DCC: variants seen among roughly 807,000 people sequenced by gnomAD.
The protein encoded by DCC is DCC netrin 1 receptor.
In DCC, 58 loss-of-function variants were observed where a neutral mutation model predicts 172.5. The ratio of observed to expected loss-of-function variants is 0.34; its 90% CI spans 0.27 to 0.42. DCC has a LOEUF of 0.42. Among genes scored for constraint, DCC ranks in the 10% least tolerant of loss-of-function variants. The probability of loss-of-function intolerance (pLI) is 1.00; values close to 1 mark genes in which losing one functional copy is unlikely to be tolerated. For missense variants in DCC, 1,740 were observed against 1,791.0 expected, an observed-to-expected ratio of 0.97 and a Z score of 0.51; for synonymous variants, 709 against 644.5, an observed-to-expected ratio of 1.10 and a Z score of -1.52.
At chr18:52,405,490 G>A (rs1428711387) in intron 1 of DCC, among the ~76,000 whole-genome samples, 12 of 149,220 alleles carry the variant, frequency 8.0e-5, no homozygotes, top group East Asian at 5.9e-4. Context: ...CATGTCCTTC[G>A]CCCACTTTTT....
intron 14 of DCC, among the ~76,000 whole-genome samples, chr18:53,336,768 A>T (rs2057596402): frequency 6.6e-6 from 1 of 152,162 alleles, no homozygotes; most frequent in Non-Finnish European, 1.5e-5. Flanking sequence ...CCCAGCTACT[A>T]GGGAGGTTGA....
At chr18:52,876,986 T>C (rs556956022) in intron 2 of DCC, among the ~76,000 whole-genome samples, 7 of 152,222 alleles carry the variant, frequency 4.6e-5, no homozygotes, top group Non-Finnish European at 1.0e-4. Context: ...ACAATGAATA[T>C]GTTTTTAATA....
intron 2 of DCC, among the ~76,000 whole-genome samples, chr18:52,795,794 C>T (rs1020123244): frequency 1.3e-5 from 2 of 151,952 alleles, no homozygotes; most frequent in East Asian, 1.9e-4. Context: ...TACTGTTTTT[C>T]GTTCTTATTT....
intron 1 of DCC, among the ~76,000 whole-genome samples, chr18:52,553,383 C>T (rs527336836): frequency 6.6e-6 from 1 of 152,096 alleles, no homozygotes; most frequent in African/African-American, 2.4e-5. Flanking sequence ...TCTGTAAAGA[C>T]ATAGGCTAAG....
At chr18:52,857,250 C>A (rs1007257925) in intron 2 of DCC, among the ~76,000 whole-genome samples, 2 of 152,190 alleles carry the variant, frequency 1.3e-5, no homozygotes, top group African/African-American at 4.8e-5. Context: ...AGGCTGCAGA[C>A]ATGTTTGGGT....
intron 15 of DCC, among the ~76,000 whole-genome samples, chr18:53,375,849 A>G (rs1481451557): frequency 6.6e-6 from 1 of 152,004 alleles, no homozygotes; most frequent in Non-Finnish European, 1.5e-5. Context: ...GCAGGTAAGG[A>G]ATGTTTATTT....
At chr18:52,838,419 A>G (rs187678441) in intron 2 of DCC, among the ~76,000 whole-genome samples, 167 of 152,318 alleles carry the variant, frequency 1.1e-3, no homozygotes, top group Middle Eastern at 0.01. Context: ...ACTTGCATGT[A>G]TTAGTATGAA....
intron 7 of DCC, among the ~76,000 whole-genome samples, chr18:53,144,171 T>C (rs927821944): frequency 6.6e-6 from 1 of 152,218 alleles, no homozygotes; most frequent in Non-Finnish European, 1.5e-5. Context: ...ATGGAAAATG[T>C]CTCAGATTGT....
intron 1 of DCC, among the ~76,000 whole-genome samples, chr18:52,751,049 A>T (rs2036986429): frequency 6.6e-6 from 1 of 152,256 alleles, no homozygotes; most frequent in South Asian, 2.1e-4. Context: ...ATTAAACATC[A>T]GCAAGAAAAT....
At chr18:53,041,084 G>T (rs2042162509) in intron 5 of DCC, among the ~76,000 whole-genome samples, 1 of 128,116 alleles carries the variant, frequency 7.8e-6, no homozygotes, top group Non-Finnish European at 1.6e-5. Context: ...ATTGCTTTTG[G>T]TGTTTTAGTC....
chr18:53,239,248 A>C lies in DCC; in HGVS notation c.1911+23651A>C, dbSNP rs894593986. On this transcript the variant is annotated intron_variant, in intron 12 of 28. Transcript: ENST00000442544. The stretch of plus-strand genomic sequence containing the variant: ...AAATGAAAAAAAAAAAACTCCAGCA[A>C]AGTCCATTACTGTTCTCCATTTTAT... Among the ~76,000 whole-genome samples, 12 of 151,482 alleles carry C rather than the reference A, an allele frequency of 7.9e-5. 1 individual carries two copies. The highest frequency in any genetic ancestry group is 7.9e-4 in the Admixed American group (12 of 15,222).
At chr18:53,321,716 G>C (rs2057413189) in intron 13 of DCC, among the ~76,000 whole-genome samples, 1 of 151,808 alleles carries the variant, frequency 6.6e-6, no homozygotes, top group Admixed American at 6.6e-5. Flanking sequence ...TTATAGACGT[G>C]GATCTTCTGA....
At chr18:52,975,534 C>T (rs1313045399) in intron 5 of DCC, among the ~76,000 whole-genome samples, 1 of 152,104 alleles carries the variant, frequency 6.6e-6, no homozygotes, top group Non-Finnish European at 1.5e-5. Flanking sequence ...CTGATAGGCC[C>T]CAGTGTGTGT....
chr18:52,477,939 A>C (rs1989140584), intron 1 of DCC, among the ~76,000 whole-genome samples: 1 of 151,962 alleles, frequency 6.6e-6, no homozygotes, highest in African/African-American at 2.4e-5. Flanking sequence ...CCTCCTGTGT[A>C]GCTGGGATTG....
At chr18:52,438,142 T>C (rs1987856694) in intron 1 of DCC, among the ~76,000 whole-genome samples, 1 of 152,208 alleles carries the variant, frequency 6.6e-6, no homozygotes, top group Non-Finnish European at 1.5e-5. Flanking sequence ...TTCTTACTGA[T>C]TGGCAGCTTG....
chr18:53,161,484 C>T (rs1488374865), intron 8 of DCC, among the ~76,000 whole-genome samples: 1 of 152,160 alleles, frequency 6.6e-6, no homozygotes, highest in Non-Finnish European at 1.5e-5. Context: ...CTTTCATTCA[C>T]TTCTTGACTT....
intron 15 of DCC, among the ~76,000 whole-genome samples, chr18:53,381,669 C>T (rs915486424): frequency 4.8e-5 from 7 of 146,160 alleles, no homozygotes; most frequent in Admixed American, 1.4e-4. Flanking sequence ...TCTATTTTTC[C>T]GGGATTATAT....
At position 53,414,619 on chromosome 18, in the gene DCC, C is replaced by A. The variant is rs529206765; in HGVS notation, c.3131-1505C>A. Among the ~76,000 whole-genome samples, 9 of 152,192 alleles carry A rather than the reference C, an allele frequency of 5.9e-5. No homozygotes were observed. In the South Asian group the frequency reaches 1.9e-3, roughly 32 times the overall value. On this transcript the variant is annotated intron_variant, in intron 20 of 28. Transcript: ENST00000442544. Reference sequence around the variant, plus strand: ...ATCCCAGCACTTTAGGAGGCCGAGGCGGGTGGATCACGAGGTCAGGAGATC... The same window carrying A: ...ATCCCAGCACTTTAGGAGGCCGAGGAGGGTGGATCACGAGGTCAGGAGATC...
chr18:52,740,703 G>T (rs919686117), intron 1 of DCC, among the ~76,000 whole-genome samples: 4 of 152,150 alleles, frequency 2.6e-5, no homozygotes, highest in African/African-American at 9.7e-5. Context: ...AGTGACCTCT[G>T]CAGTCTTTTA....
Sources: gnomAD v4.1 joint callset for allele counts (sites outside exome capture counted in the v4.1 genomes callset) on GRCh38, gnomAD v4.1.1 for gene constraint, MANE v1.5 for transcripts, NCBI Gene and HGNC (gene_info 2026-07-23, HGNC 2026-07-21) for gene names.